KCNH7: variants seen among roughly 807,000 people sequenced by gnomAD.
The protein encoded by KCNH7 is voltage-gated inwardly rectifying potassium channel KCNH7.
A neutral mutation model predicts 120.8 loss-of-function variants in KCNH7; 49 were observed. The ratio of observed to expected loss-of-function variants is 0.41; its 90% CI spans 0.32 to 0.51. The LOEUF is 0.51. Ranked by LOEUF, KCNH7 falls within the 20% of genes least tolerant of loss-of-function variation. KCNH7 has a pLI of 0.38. For synonymous variants in KCNH7, 547 were observed against 516.1 expected (o/e 1.06, Z -0.81); for missense variants, 1,097 against 1,446.6 (o/e 0.76, Z 3.92).
At chr2:162,574,030 G>A (rs1432336476) in intron 2 of KCNH7, among the ~76,000 whole-genome samples, 2 of 151,982 alleles carry the variant, frequency 1.3e-5, no homozygotes, top group Admixed American at 6.6e-5. Context: ...AATCTTTTAA[G>A]TAGGTAATTT....
chr2:162,814,868 C>A (rs992273643), intron 2 of KCNH7, among the ~76,000 whole-genome samples: 7 of 152,084 alleles, frequency 4.6e-5, no homozygotes, highest in Non-Finnish European at 4.4e-5. Flanking sequence ...TTCTATTATT[C>A]CAAGCCTTCT....
intron 6 of KCNH7, among the ~76,000 whole-genome samples, chr2:162,457,524 A>C (rs76128880): frequency 1.4e-3 from 217 of 152,318 alleles, no homozygotes; most frequent in African/African-American, 4.7e-3. Flanking sequence ...GTGTTATATA[A>C]AACCAAAACC....
chr2:162,644,955 ATGTG>A (rs768209817), intron 2 of KCNH7, among the ~76,000 whole-genome samples: 2 of 152,260 alleles, frequency 1.3e-5, no homozygotes, highest in East Asian at 3.9e-4. Context: ...TAGTCAATAT[ATGTG>A]TGTGTGTATA....
intron 2 of KCNH7, among the ~76,000 whole-genome samples, chr2:162,575,190 A>C (rs191540701): frequency 4.1e-4 from 62 of 152,140 alleles, no homozygotes; most frequent in Non-Finnish European, 6.8e-4. Context: ...GAGCGTGTAA[A>C]GCCTTCTATT....
Position 162,396,945 on chromosome 2 carries a change from C to T in KCNH7, c.2408G>A (p.Gly803Glu). ...CATTTCTCCAAATATATCATTTTTT[C>T]CTAAGAAAATATAAAGAAAAAGAGG... Reference protein sequence around the residue: ...LKDDIVVAILGKNDIFGEMVH... With the variant: ...LKDDIVVAILEKNDIFGEMVH... The change falls in exon 11 of 16, where the codon GGA becomes GAA. Residue 803 changes from glycine (G) to glutamate (E), a missense_variant and splice_region_variant. Gly to Glu is a moderately conservative substitution (Grantham distance 98). Around this residue, in one of 8 missense-constraint regions of KCNH7, gnomAD observed 101 missense variants for 176.3 expected, o/e 0.57. Coordinates refer to ENST00000332142, the MANE Select transcript of KCNH7 (RefSeq NM_033272.4). The T allele has an allele frequency of 2.5e-6, 4 of 1,595,348 alleles. No individual in the cohort carries two copies. Among genetic ancestry groups the T allele is most frequent in the Non-Finnish European group, 3.4e-6 (4 of 1,166,074 alleles).
At chr2:162,397,921 T>C (rs1228612908) in intron 10 of KCNH7, among the ~76,000 whole-genome samples, 3 of 151,848 alleles carry the variant, frequency 2.0e-5, no homozygotes, top group Non-Finnish European at 2.9e-5. Flanking sequence ...CTAAATCCCA[T>C]GCATCCTGAT....
Position 162,779,420 on chromosome 2 carries a change from C to T in KCNH7, c.307+57117G>A, listed in dbSNP as rs368422101. 7.2e-5 allele frequency among the ~76,000 whole-genome samples: 11 copies of T among 152,060 alleles called. No individual in the cohort carries two copies. The South Asian group carries it at 1.5e-3, about 20-fold the overall frequency. Reference sequence around the variant, plus strand: ...TTCACCATGTTGGCCAGGATGGTCTCGATCTCTTGACCTCATGATCCACCT... The same window carrying T: ...TTCACCATGTTGGCCAGGATGGTCTTGATCTCTTGACCTCATGATCCACCT... On this transcript the variant is annotated intron_variant, in intron 2 of 15. Coordinates refer to ENST00000332142, the MANE Select transcript of KCNH7 (RefSeq NM_033272.4).
At chr2:162,821,118 A>G (rs894293292) in intron 2 of KCNH7, among the ~76,000 whole-genome samples, 2 of 152,294 alleles carry the variant, frequency 1.3e-5, no homozygotes, top group African/African-American at 4.8e-5. Context: ...CCAGAAAGAA[A>G]AAAATGGTTC....
chr2:162,661,164 G>T (rs1684944646), intron 2 of KCNH7, among the ~76,000 whole-genome samples: 2 of 152,158 alleles, frequency 1.3e-5, no homozygotes, highest in Non-Finnish European at 2.9e-5. Flanking sequence ...CAGTGTTATA[G>T]CTCAGTTGCT....
At chr2:162,383,933 G>T (rs1289919866) in intron 13 of KCNH7, among the ~76,000 whole-genome samples, 1 of 151,816 alleles carries the variant, frequency 6.6e-6, no homozygotes, top group African/African-American at 2.4e-5. Context: ...CATAAAGGGA[G>T]CAAGTGGCAG....
chr2:162,594,993 G>C (rs1322149430), intron 2 of KCNH7, among the ~76,000 whole-genome samples: 2 of 152,046 alleles, frequency 1.3e-5, no homozygotes, highest in Non-Finnish European at 2.9e-5. Flanking sequence ...TTGAACATAT[G>C]TAAATCAATG....
At chr2:162,490,207 C>T (rs942748274) in intron 6 of KCNH7, among the ~76,000 whole-genome samples, 19 of 152,342 alleles carry the variant, frequency 1.2e-4, no homozygotes, top group Non-Finnish European at 1.8e-4. Context: ...CAAACATGCC[C>T]GCAGTGGCCT....
intron 9 of KCNH7, among the ~76,000 whole-genome samples, chr2:162,406,253 T>C (rs1687216131): frequency 6.6e-6 from 1 of 151,970 alleles, no homozygotes; most frequent in Non-Finnish European, 1.5e-5. Context: ...TCCGTAGGAT[T>C]GTAAACTCCT....
In KCNH7 at chr2:162,371,942, T is replaced by C; in HGVS notation, c.3478A>G (p.Lys1160Glu). The change falls in exon 16 of 16, where the codon AAA (lysine) becomes GAA (glutamate). Residue 1160 changes from lysine to glutamate, a missense_variant. Around this residue, in one of 8 missense-constraint regions of KCNH7, gnomAD observed 406 missense variants for 410.5 expected, o/e 0.99. Transcript: ENST00000332142. ...TGCCTAATTGGATGAACGTAAGTTTTTCTTTGCCGCAGGTGAAGCTCTAAA... is the reference window on the plus strand; with the variant it reads ...TGCCTAATTGGATGAACGTAAGTTTCTCTTTGCCGCAGGTGAAGCTCTAAA... Reference protein sequence around the residue: ...LSLELHLRQRKTYVHPIRHPS... With the variant: ...LSLELHLRQRETYVHPIRHPS... 1 of 1,613,966 alleles carries C rather than the reference T, an allele frequency of 6.2e-7. No individual in the cohort carries two copies. Among genetic ancestry groups the C allele is most frequent in the East Asian group, 2.2e-5 (1 of 44,842 alleles).
intron 2 of KCNH7, among the ~76,000 whole-genome samples, chr2:162,699,314 T>C (rs1443265455): frequency 6.6e-6 from 1 of 152,172 alleles, no homozygotes; most frequent in Admixed American, 6.6e-5. Context: ...TTTCACCGAA[T>C]GTCCTCCAGG....
chr2:162,459,967 G>T (rs894813438), intron 6 of KCNH7, among the ~76,000 whole-genome samples: 3 of 151,900 alleles, frequency 2.0e-5, no homozygotes, highest in Admixed American at 2.0e-4. Flanking sequence ...GGTGGCGCAT[G>T]CCTGTAGTCC....
chr2:162,819,611 T>A (rs1401953285), intron 2 of KCNH7, among the ~76,000 whole-genome samples: 2 of 152,220 alleles, frequency 1.3e-5, no homozygotes, highest in Non-Finnish European at 2.9e-5. Context: ...GGAAGAACCA[T>A]GCTAATCTGG....
At chr2:162,520,923 C>A (rs1015251589) in intron 3 of KCNH7, among the ~76,000 whole-genome samples, 1 of 151,852 alleles carries the variant, frequency 6.6e-6, no homozygotes, top group Non-Finnish European at 1.5e-5. Flanking sequence ...TCTCTAGAAT[C>A]CAGTCATATG....
intron 6 of KCNH7, among the ~76,000 whole-genome samples, chr2:162,477,155 C>T (rs1025455819): frequency 2.6e-5 from 4 of 152,164 alleles, no homozygotes; most frequent in East Asian, 1.9e-4. Flanking sequence ...CAGTAAGTAA[C>T]GATTAAAGGC....
Sources: allele counts gnomAD v4.1 joint callset (sites outside exome capture counted in the v4.1 genomes callset), GRCh38; gene constraint gnomAD v4.1.1; regional missense constraint gnomAD v4.1.1; transcripts MANE v1.5; gene names NCBI Gene and HGNC (gene_info 2026-07-23, HGNC 2026-07-21).